The following IQCE variants were observed in gnomAD, a reference collection of about 807,000 sequenced individuals.
The protein encoded by IQCE is IQ motif containing E.
A neutral mutation model predicts 96.0 loss-of-function variants in IQCE; 115 were observed. The ratio of observed to expected loss-of-function variants is 1.20; its 90% CI spans 1.03 to 1.40. The LOEUF (loss-of-function observed/expected upper bound fraction) is 1.40, where lower values mean the gene tolerates loss of function less well. Ranked by LOEUF, IQCE falls within the 40% of genes most tolerant of loss-of-function variation. The pLI is 0.00. For missense variants in IQCE, 1,041 were observed against 909.1 expected, an observed-to-expected ratio of 1.15 and a Z score of -1.87; for synonymous variants, 412 against 371.2, an observed-to-expected ratio of 1.11 and a Z score of -1.26.
At chr7:2,604,845 C>T (rs756754740) in intron 18 of IQCE, 36 bp from the exon 19 acceptor site, 1 of 1,548,392 alleles carries the variant, frequency 6.5e-7, no homozygotes, top group Middle Eastern at 1.7e-4. Flanking sequence ...CGGGCACTCA[C>T]ACCCACTTTT....
chr7:2,580,612 CA>C (rs914530355), intron 8 of IQCE, among the ~76,000 whole-genome samples: 65 of 137,574 alleles, frequency 4.7e-4, no homozygotes, highest in East Asian at 1.7e-3. Flanking sequence ...AACTCTGTCT[CA>C]AAAAAAAAAA....
chr7:2,607,110 C>A lies in IQCE; in HGVS notation c.1866-14C>A. 1 of 1,580,324 alleles carries A rather than the reference C, an allele frequency of 6.3e-7. No individual in the cohort carries two copies. On this transcript the variant is annotated splice_polypyrimidine_tract_variant and intron_variant, in intron 20 of 21. Transcript: ENST00000402050. ...TAAAAGCAGAATCAGCTGGCGTTTT[C>A]TGTTTTTTTCCAGTGCTACCGGTAA...
intron 1 of IQCE, among the ~76,000 whole-genome samples, chr7:2,565,610 G>A (rs1444823531): frequency 2.0e-5 from 3 of 152,076 alleles, no homozygotes; most frequent in Admixed American, 1.3e-4. Context: ...CTGCAGGCAC[G>A]TCCTTGTGAT....
chr7:2,606,850 C>G (rs369554217), intron 20 of IQCE, among the ~76,000 whole-genome samples: 2 of 152,154 alleles, frequency 1.3e-5, no homozygotes, highest in South Asian at 4.2e-4. Context: ...GGAACGGAGC[C>G]GTCTGAGGCC....
At chr7:2,594,127 A>T (rs563575129) in intron 15 of IQCE, among the ~76,000 whole-genome samples, 1 of 152,258 alleles carries the variant, frequency 6.6e-6, no homozygotes, top group Non-Finnish European at 1.5e-5. Context: ...GGGCACAGTG[A>T]CAGGTGCCTG....
intron 8 of IQCE, chr7:2,579,978 T>G (rs1164473816): frequency 1.3e-5 from 2 of 152,192 alleles, no homozygotes; most frequent in Non-Finnish European, 2.9e-5. Context: ...ATGTGATCCT[T>G]CTGCCTTGGC....
intron 14 of IQCE, among the ~76,000 whole-genome samples, chr7:2,592,250 G>T (rs1391752627): frequency 6.6e-6 from 1 of 152,196 alleles, no homozygotes. Flanking sequence ...CCAATTGATA[G>T]GTCCTTTGTA....
intron 7 of IQCE, 32 bp from the exon 8 acceptor site, chr7:2,578,444 G>C (rs753061562): frequency 6.2e-7 from 1 of 1,614,074 alleles, no homozygotes; most frequent in East Asian, 2.2e-5. Flanking sequence ...TACACCGAAG[G>C]CCGTCTTCAT....
intron 9 of IQCE, 59 bp downstream of exon 9, chr7:2,582,709 C>T (rs376704332): frequency 9.9e-5 from 149 of 1,500,474 alleles, no homozygotes; most frequent in Middle Eastern, 3.4e-4. Flanking sequence ...CTTGCTCAGA[C>T]GCCCGCCTTT....
chr7:2,589,247 A>T (rs1344739027), intron 13 of IQCE, among the ~76,000 whole-genome samples: 2 of 152,174 alleles, frequency 1.3e-5, no homozygotes, highest in Non-Finnish European at 2.9e-5. Context: ...GCACACCTGT[A>T]TTCCCAGCTA....
intron 21 of IQCE, among the ~76,000 whole-genome samples, chr7:2,608,544 C>T (rs376538357): frequency 2.6e-5 from 4 of 152,304 alleles, no homozygotes; most frequent in African/African-American, 9.6e-5. Flanking sequence ...GATGAGCAGC[C>T]TGGGGTTTCG....
Position 2,593,019 on chromosome 7 carries a change from C to A in IQCE, c.1245-3C>A. 6.3e-7 allele frequency: 1 copy of A among 1,596,780 alleles called. No individual in the cohort carries two copies. Among genetic ancestry groups the A allele is most frequent in the Non-Finnish European group, 8.6e-7 (1 of 1,167,824 alleles). On this transcript the variant is annotated splice_polypyrimidine_tract_variant and splice_region_variant and intron_variant, in intron 14 of 21. Coordinates refer to ENST00000402050, the MANE Select transcript of IQCE (RefSeq NM_152558.5). ...CTGACGAGTCTCCTATTCTTGTGTG[C>A]AGTTTGGAGGTGAAGCAGCTCCTGC...
chr7:2,582,111 C>T (rs2128449198), intron 8 of IQCE: 1 of 466,760 alleles, frequency 2.1e-6, no homozygotes, highest in Non-Finnish European at 4.4e-6. Flanking sequence ...CTCCCTTCCC[C>T]AAATAGAGGG....
chr7:2,559,712 G>A (rs1780778259), intron 1 of IQCE, among the ~76,000 whole-genome samples: 1 of 128,046 alleles, frequency 7.8e-6, no homozygotes, highest in Admixed American at 9.9e-5. Flanking sequence ...TAGTTACTTT[G>A]CCCGGTAAAT....
rs777090079 is a variant in IQCE at position 2,573,467 on chromosome 7, C to T, written c.444C>T (p.Asp148=). ...PVYREKEDMY[D]EIIELKKSLH... is the part of the protein sequence containing the mutation. ...ACAGAGAAAAAGAAGATATGTATGA[C>T]GAGATTATTGAGTTAAAGAAGGTAG... The change falls in exon 6 of 22, where the codon GAC becomes GAT. Residue 148 remains aspartate (D), a synonymous_variant. Transcript: ENST00000402050. 10 of 1,541,466 alleles carry T rather than the reference C, an allele frequency of 6.5e-6. No homozygotes were observed. Among genetic ancestry groups the T allele is most frequent in the South Asian group, 2.2e-5 (2 of 88,940 alleles).
chr7:2,590,041 C>G lies in IQCE; in HGVS notation c.1179C>G (p.Leu393=), dbSNP rs369745813. 5.0e-6 allele frequency: 8 copies of G among 1,613,708 alleles called. No individual in the cohort carries two copies. The Admixed American group carries it at 1.3e-4, about 27-fold the overall frequency. Reference sequence around the variant, plus strand: ...ACCGCAACAAGGACCACGAGCGTCTCCGAGGGGCTGTGAGAGACCTGAAGG... The same window carrying G: ...ACCGCAACAAGGACCACGAGCGTCTGCGAGGGGCTGTGAGAGACCTGAAGG... ...RGDRNKDHER[L]RGAVRDLKEE... Residue 393 remains leucine, a synonymous_variant, in exon 14 of 22, where the codon CTC becomes CTG. Coordinates refer to ENST00000402050, the MANE Select transcript of IQCE (RefSeq NM_152558.5).
In IQCE at chr7:2,578,498, T is replaced by C. The variant is rs1434950275; in HGVS notation, c.602T>C (p.Leu201Pro). The change falls in exon 8 of 22, where the codon CTG becomes CCG. Residue 201 changes from leucine to proline, a missense_variant. Leu to Pro is a moderately conservative substitution (Grantham distance 98, BLOSUM62 -3). Transcript: ENST00000402050. The part of the protein sequence containing the change: ...PSRGTDFVRT[L>P]AEKRPDASWV... The stretch of plus-strand genomic sequence containing the variant: ...CAGGGCACGGATTTTGTTCGGACTC[T>C]GGCAGAGAAAAGGCCCGATGCCAGT... 5 of 1,614,096 alleles carry C rather than the reference T, an allele frequency of 3.1e-6. No individual in the cohort carries two copies. Among genetic ancestry groups the C allele is most frequent in the Non-Finnish European group, 4.2e-6 (5 of 1,180,038 alleles).
At chr7:2,562,302 A>ATATAT (rs1554301261) in intron 1 of IQCE, among the ~76,000 whole-genome samples, 2 of 151,518 alleles carry the variant, frequency 1.3e-5, no homozygotes, top group Non-Finnish European at 1.5e-5. Flanking sequence ...ATATATATAT[A>ATATAT]AAATCCTTTT....
chr7:2,604,462 C>G (rs1464765467), intron 18 of IQCE, among the ~76,000 whole-genome samples: 1 of 152,230 alleles, frequency 6.6e-6, no homozygotes. Context: ...AAGATCACTT[C>G]AGAGGTCTTG....
Sources: allele counts gnomAD v4.1 joint callset (sites outside exome capture counted in the v4.1 genomes callset), GRCh38; gene constraint gnomAD v4.1.1; transcripts MANE v1.5; gene names NCBI Gene and HGNC (gene_info 2026-07-23, HGNC 2026-07-21).